Variants in B3GNT3 observed in about 807,000 individuals in gnomAD.
The protein encoded by B3GNT3 is UDP-GlcNAc:betaGal beta-1,3-N-acetylglucosaminyltransferase 3.
In B3GNT3, 7 loss-of-function variants were observed where a neutral mutation model predicts 11.6. That is an observed-to-expected ratio of 0.60 (90% CI 0.34 to 1.13). The LOEUF (loss-of-function observed/expected upper bound fraction) is 1.13. B3GNT3 is among the 50% of genes most tolerant of loss of function. The pLI, the probability that B3GNT3 is intolerant of heterozygous loss-of-function variation, is 0.03. For synonymous variants in B3GNT3, 201 were observed against 222.1 expected (o/e 0.90, Z 0.85); for missense variants, 400 against 507.4 (o/e 0.79, Z 2.03).
At chr19:17,795,790 G>C (rs112735838) in intron 1 of B3GNT3, among the ~76,000 whole-genome samples, 48 of 152,274 alleles carry the variant, frequency 3.2e-4, no homozygotes, top group African/African-American at 1.2e-3. Flanking sequence ...TGCCCGAAGC[G>C]TTTAGTCAAA....
chr19:17,811,545 G>C lies in B3GNT3; in HGVS notation c.568-26G>C. On this transcript the variant is annotated intron_variant, in intron 2 of 2. Coordinates refer to ENST00000318683, the MANE Select transcript of B3GNT3 (RefSeq NM_014256.4). The surrounding 1 kb of genome is among the most constrained non-coding windows in gnomAD (Gnocchi z 4.1). Reference sequence around the variant, plus strand: ...GCCAATTTCTCCAGCCCTCAAGCAAGCATGCCCTGTCCACCCTGCCTGCAG... The same window carrying C: ...GCCAATTTCTCCAGCCCTCAAGCAACCATGCCCTGTCCACCCTGCCTGCAG... The C allele has an allele frequency of 1.3e-6, 2 of 1,590,944 alleles. No homozygotes were observed. Among genetic ancestry groups the C allele is most frequent in the Non-Finnish European group, 1.7e-6 (2 of 1,167,456 alleles).
intron 1 of B3GNT3, among the ~76,000 whole-genome samples, chr19:17,804,533 C>CTTTT (rs67513010): frequency 0.067 from 3,804 of 56,896 alleles, 1,174 homozygotes; most frequent in Middle Eastern, 0.079. Flanking sequence ...CCGTGCCCAG[C>CTTTT]TTTTTTTTTT....
chr19:17,801,355 G>A (rs1178545878), intron 1 of B3GNT3, among the ~76,000 whole-genome samples: 2 of 150,954 alleles, frequency 1.3e-5, no homozygotes, highest in Non-Finnish European at 2.9e-5. Context: ...ACCATGCCCG[G>A]CTAATTTTTG....
rs2094183505 is a variant in B3GNT3 at position 17,813,211 on chromosome 19, T to C, written c.*1089T>C. On this transcript the variant is annotated 3_prime_UTR_variant, in exon 3 of 3. Coordinates refer to ENST00000318683, the MANE Select transcript of B3GNT3 (RefSeq NM_014256.4). ...GGGGCATGGGGCCGTGGCTCAGGGC[T>C]GTAATTCTAGCACATTGGGAGACCA... The C allele has an allele frequency of 6.6e-6, 1 of 152,030 alleles. No homozygotes were observed. 9.4% of individuals were successfully genotyped at this position (152,030 alleles called of 1,614,324 possible). A position where few individuals can be genotyped will look rare whatever the true frequency, so the allele number is the denominator to read the frequency against.
At position 17,813,445 on chromosome 19, in the gene B3GNT3, A is replaced by C. The variant is rs918907420; in HGVS notation, c.*1323A>C. Among the ~76,000 whole-genome samples the C allele has an allele frequency of 6.6e-6, 1 of 152,058 alleles. No homozygotes were observed. The highest frequency in any genetic ancestry group is 1.5e-5 in the Non-Finnish European group (1 of 68,028). The stretch of plus-strand genomic sequence containing the variant: ...CCACTGGGCGGCAATAAGAAGACAA[A>C]AACATAAAACAGGACATGTGTGAGG... On this transcript the variant is annotated 3_prime_UTR_variant, in exon 3 of 3. Transcript: ENST00000318683.
intron 1 of B3GNT3, among the ~76,000 whole-genome samples, chr19:17,804,245 T>TC (rs1444552275): frequency 6.1e-4 from 90 of 147,340 alleles, no homozygotes; most frequent in Non-Finnish European, 9.3e-4. Context: ...TTTTTCTTTT[T>TC]TTTTTTTTTT....
At chr19:17,807,479 AAGAGAGAG>A (rs1555739864) in intron 1 of B3GNT3, among the ~76,000 whole-genome samples, 4 of 146,656 alleles carry the variant, frequency 2.7e-5, no homozygotes. Flanking sequence ...GCAACAGAAC[AAGAGAGAG>A]AGAGAGAGAG....
At chr19:17,807,419 G>A (rs945141167) in intron 1 of B3GNT3, among the ~76,000 whole-genome samples, 6 of 151,646 alleles carry the variant, frequency 4.0e-5, no homozygotes, top group African/African-American at 1.5e-4. Context: ...TTGAACCCAT[G>A]AGGTGGAGGC....
At chr19:17,796,263 T>A (rs1473930034) in intron 1 of B3GNT3, among the ~76,000 whole-genome samples, 2 of 152,028 alleles carry the variant, frequency 1.3e-5, no homozygotes, top group African/African-American at 4.8e-5. Flanking sequence ...AATTTTAAAA[T>A]TTTTTTGTGT....
intron 1 of B3GNT3, 56 bp from the exon 2 acceptor site, chr19:17,807,702 C>T (rs759423737): frequency 9.0e-7 from 1 of 1,114,042 alleles, no homozygotes; most frequent in South Asian, 1.6e-5. Context: ...ATGTTGGGGG[C>T]CACAGGAAAA....
chr19:17,808,194 G>C lies in B3GNT3; in HGVS notation c.387G>C (p.Thr129=). The change falls in exon 2 of 3, where the codon ACG becomes ACC. Residue 129 remains threonine, a synonymous_variant. Transcript: ENST00000318683. The part of the protein sequence containing the change: ...NYVRRELLRR[T]WGRERKVRGL... ...TGCGCCGCGAGCTGCTGCGGCGCACGTGGGGCCGCGAGCGCAAGGTACGGG... is the reference window on the plus strand; with the variant it reads ...TGCGCCGCGAGCTGCTGCGGCGCACCTGGGGCCGCGAGCGCAAGGTACGGG... 6.2e-7 allele frequency: 1 copy of C among 1,611,278 alleles called. No homozygotes were observed. The highest frequency in any genetic ancestry group is 1.1e-5 in the South Asian group (1 of 90,980).
rs753056208 is a variant in B3GNT3 at position 17,811,461 on chromosome 19, G to A, written c.568-110G>A. ...CAGGGCAGGGCCTTAACCCAGGCTG[G>A]ATTGTGGACACTTCCTTTCCTGGGC... On this transcript the variant is annotated intron_variant, in intron 2 of 2. Coordinates refer to ENST00000318683, the MANE Select transcript of B3GNT3 (RefSeq NM_014256.4). The surrounding 1 kb of genome is among the most constrained non-coding windows in gnomAD (Gnocchi z 4.1). The A allele has an allele frequency of 2.6e-6, 3 of 1,165,774 alleles. No homozygotes were observed. Among genetic ancestry groups the A allele is most frequent in the Non-Finnish European group, 3.6e-6 (3 of 842,722 alleles). The allele number at this position is 1,165,774 out of a possible 1,614,324, so 72.2% of individuals were successfully genotyped here. A position where few individuals can be genotyped will look rare whatever the true frequency, so the allele number is the denominator to read the frequency against.
chr19:17,806,819 G>A (rs1418577155), intron 1 of B3GNT3, among the ~76,000 whole-genome samples: 1 of 151,948 alleles, frequency 6.6e-6, no homozygotes, highest in Non-Finnish European at 1.5e-5. Context: ...GGGCGTGGTG[G>A]CGCGTGCCTG....
In B3GNT3 at chr19:17,811,684, T is replaced by A. The variant is rs1457165444; in HGVS notation, c.681T>A (p.His227Gln). ...TDNMVFYLQD[H>Q]DPGRHLFVGQ... is the part of the protein sequence containing the mutation. ...ACATGGTCTTCTACCTGCAGGACCA[T>A]GACCCTGGCCGCCACCTCTTCGTGG... The change falls in exon 3 of 3, where the codon CAT (histidine) becomes CAA (glutamine). Residue 227 changes from histidine to glutamine, a missense_variant. Transcript: ENST00000318683. This position sits in a 1 kb window ranked among gnomAD's most constrained non-coding sequence, Gnocchi z 4.1. The A allele has an allele frequency of 7.4e-6, 12 of 1,614,118 alleles. No homozygotes were observed. The highest frequency in any genetic ancestry group is 1.3e-5 in the African/African-American group (1 of 74,948).
At chr19:17,805,406 G>C (rs571622155) in intron 1 of B3GNT3, among the ~76,000 whole-genome samples, 1 of 151,922 alleles carries the variant, frequency 6.6e-6, no homozygotes, top group Admixed American at 6.6e-5. Flanking sequence ...GCCCACAGGG[G>C]ACTTCTTAAA....
At chr19:17,804,885 T>C (rs894442036) in intron 1 of B3GNT3, among the ~76,000 whole-genome samples, 12 of 151,456 alleles carry the variant, frequency 7.9e-5, no homozygotes, top group African/African-American at 2.7e-4. Flanking sequence ...ACCTGCATAC[T>C]CTCCTATACC....
At chr19:17,798,447 G>T (rs1178113289) in intron 1 of B3GNT3, among the ~76,000 whole-genome samples, 3 of 152,116 alleles carry the variant, frequency 2.0e-5, no homozygotes, top group African/African-American at 7.2e-5. Flanking sequence ...GAGGCGGGTG[G>T]ATCACCTGAG....
chr19:17,803,154 T>C (rs548455577), intron 1 of B3GNT3, among the ~76,000 whole-genome samples: 3 of 152,152 alleles, frequency 2.0e-5, no homozygotes, highest in Admixed American at 6.5e-5. Flanking sequence ...TACAGGCGTG[T>C]GCCACCACAC....
At chr19:17,795,489 G>A (rs976431198) in intron 1 of B3GNT3, among the ~76,000 whole-genome samples, 3 of 152,250 alleles carry the variant, frequency 2.0e-5, no homozygotes, top group African/African-American at 4.8e-5. Flanking sequence ...GGCGGGATCA[G>A]ACCCCCGAGG....
Sources: allele counts gnomAD v4.1 joint callset (sites outside exome capture counted in the v4.1 genomes callset), GRCh38; gene constraint gnomAD v4.1.1; non-coding constraint Gnocchi (gnomAD v3.1); transcripts MANE v1.5; gene names NCBI Gene and HGNC (gene_info 2026-07-23, HGNC 2026-07-21).